The following CDS2 variants were observed in gnomAD, a reference collection of about 807,000 sequenced individuals.
CDS2 encodes the protein phosphatidate cytidylyltransferase 2.
CDS2 carries 47 observed loss-of-function variants against 59.0 expected under a neutral mutation model. The ratio of observed to expected loss-of-function variants is 0.80; its 90% CI spans 0.63 to 1.02. The LOEUF is 1.02. CDS2 is among the 50% of genes least tolerant of loss of function. The pLI, the probability that CDS2 is intolerant of heterozygous loss-of-function variation, is 0.00. For missense variants in CDS2, 356 were observed against 558.9 expected (o/e 0.64, Z 3.66); for synonymous variants, 207 against 206.4 (o/e 1.00, Z -0.02).
At position 5,133,074 on chromosome 20, in the gene CDS2, G is replaced by A. The variant is rs1316895491; in HGVS notation, c.57+5925G>A. On this transcript the variant is annotated intron_variant, in intron 1 of 12. Transcript: ENST00000460006. Reference sequence around the variant, plus strand: ...TAGTCCCAGCTACTCAGGAGGCTGAGGAGAATGGCGTGATGGCGTGAACCC... The same window carrying A: ...TAGTCCCAGCTACTCAGGAGGCTGAAGAGAATGGCGTGATGGCGTGAACCC... Among the ~76,000 whole-genome samples, 4 of 151,942 alleles carry A rather than the reference G, an allele frequency of 2.6e-5. No individual in the cohort carries two copies. In the East Asian group the frequency reaches 7.7e-4, roughly 29 times the overall value.
chr20:5,181,696 T>C (rs545142067), intron 5 of CDS2, among the ~76,000 whole-genome samples: 1 of 152,360 alleles, frequency 6.6e-6, no homozygotes, highest in East Asian at 1.9e-4. Context: ...AGTGTACTTA[T>C]GCAGACCTAG....
At position 5,197,562 on chromosome 20, in the gene CDS2, C is replaced by G. The variant is rs1267259918; in HGVS notation, c.*7328C>G. The G allele has an allele frequency of 6.6e-6, 1 of 151,778 alleles. No homozygotes were observed. Among genetic ancestry groups the G allele is most frequent in the Non-Finnish European group, 1.5e-5 (1 of 68,006 alleles). The allele number at this position is 151,778 out of a possible 1,614,324, so 9.4% of individuals were successfully genotyped here. ...GAATTCAGTTGTCTCACCCTGATAG[C>G]CTGGGTGTTGATATTCACTTTACCC... On this transcript the variant is annotated 3_prime_UTR_variant, in exon 13 of 13. Coordinates refer to ENST00000460006, the MANE Select transcript of CDS2 (RefSeq NM_003818.4).
chr20:5,189,063 T>C lies in CDS2; in HGVS notation c.982-4T>C, dbSNP rs541649637. 75 of 1,614,144 alleles carry C rather than the reference T, an allele frequency of 4.6e-5. 1 individual carries two copies. In the South Asian group the frequency reaches 7.6e-4, roughly 16 times the overall value. ...TAAACTTTTACTTCATTTACTCTTC[T>C]CAGAAAACGGTCCGGATGTACCCCT... On this transcript the variant is annotated splice_region_variant and splice_polypyrimidine_tract_variant and intron_variant, in intron 10 of 12. Coordinates refer to ENST00000460006, the MANE Select transcript of CDS2 (RefSeq NM_003818.4).
At chr20:5,138,221 G>C (rs1176703007) in intron 1 of CDS2, among the ~76,000 whole-genome samples, 5 of 151,578 alleles carry the variant, frequency 3.3e-5, no homozygotes, top group African/African-American at 1.2e-4. Context: ...TAAAGTGCTG[G>C]GATTACACAT....
intron 1 of CDS2, among the ~76,000 whole-genome samples, chr20:5,145,212 A>C (rs996752124): frequency 6.9e-6 from 1 of 145,440 alleles, no homozygotes; most frequent in Non-Finnish European, 1.5e-5. Context: ...ACCTCATTTT[A>C]GGGCGAATGG....
At chr20:5,154,100 G>T (rs1432170360) in intron 1 of CDS2, among the ~76,000 whole-genome samples, 1 of 152,058 alleles carries the variant, frequency 6.6e-6, no homozygotes, top group East Asian at 1.9e-4. Flanking sequence ...TCTCCCTTAG[G>T]CTCCAGAATA....
intron 1 of CDS2, among the ~76,000 whole-genome samples, chr20:5,150,951 G>A (rs1238103428): frequency 1.3e-5 from 2 of 152,196 alleles, no homozygotes; most frequent in Non-Finnish European, 2.9e-5. Flanking sequence ...GATCACATGC[G>A]GAGCCACCTT....
chr20:5,133,352 A>G (rs961604055), intron 1 of CDS2, among the ~76,000 whole-genome samples: 1 of 151,990 alleles, frequency 6.6e-6, no homozygotes, highest in African/African-American at 2.4e-5. Flanking sequence ...CCTGAGCTCA[A>G]GCCATCCTCC....
At chr20:5,177,853 T>C (rs1278259886) in intron 4 of CDS2, among the ~76,000 whole-genome samples, 1 of 152,232 alleles carries the variant, frequency 6.6e-6, no homozygotes, top group African/African-American at 2.4e-5. Context: ...CTTTTGTGGC[T>C]GTTCTTTAGC....
chr20:5,186,992 G>A, intron 10 of CDS2, 153 bp downstream of exon 10: 2 of 739,316 alleles, frequency 2.7e-6, no homozygotes, highest in South Asian at 3.4e-5. Flanking sequence ...GCCAGGTCAG[G>A]GTATGGGCAG....
At position 5,189,056 on chromosome 20, in the gene CDS2, A is replaced by C. The variant is rs536927701; in HGVS notation, c.982-11A>C. 1.8e-5 allele frequency: 29 copies of C among 1,613,932 alleles called. No homozygotes were observed. The African/African-American group carries it at 2.5e-4, about 14-fold the overall frequency. Reference sequence around the variant, plus strand: ...ATGCACCTAAACTTTTACTTCATTTACTCTTCTCAGAAAACGGTCCGGATG... The same window carrying C: ...ATGCACCTAAACTTTTACTTCATTTCCTCTTCTCAGAAAACGGTCCGGATG... On this transcript the variant is annotated splice_polypyrimidine_tract_variant and intron_variant, in intron 10 of 12. Coordinates refer to ENST00000460006, the MANE Select transcript of CDS2 (RefSeq NM_003818.4).
chr20:5,141,284 T>G (rs2090691374), intron 1 of CDS2, among the ~76,000 whole-genome samples: 1 of 152,244 alleles, frequency 6.6e-6, no homozygotes, highest in Non-Finnish European at 1.5e-5. Context: ...CCCCACTTAG[T>G]CTATTAGTAT....
rs2122928026 is a variant in CDS2, at chr20:5,127,097, C to T, written c.5C>T (p.Thr2Ile). Residue 2 changes from threonine (T) to isoleucine (I), a missense_variant, in exon 1 of 13, where the codon ACA (threonine) becomes ATA (isoleucine). Thr to Ile is a moderately conservative substitution (Grantham distance 89). This residue lies in a region of CDS2 where 107 missense variants were observed against 129.7 expected (regional missense o/e 0.82). Coordinates refer to ENST00000460006, the MANE Select transcript of CDS2 (RefSeq NM_003818.4). The part of the protein sequence containing the change: M[T>I]ELRQRVAHEP... ...CGTCGGGCCGATTTTCCCAGGATGA[C>T]AGAGCTGAGGCAGAGGGTGGCCCAT... 3.3e-6 allele frequency: 5 copies of T among 1,498,924 alleles called. No homozygotes were observed. The highest frequency in any genetic ancestry group is 3.6e-6 in the Non-Finnish European group (4 of 1,123,576). 92.9% of individuals were successfully genotyped at this position (1,498,924 alleles called of 1,614,324 possible).
At chr20:5,141,535 A>T (rs2090693839) in intron 1 of CDS2, among the ~76,000 whole-genome samples, 1 of 151,836 alleles carries the variant, frequency 6.6e-6, no homozygotes, top group South Asian at 2.1e-4. Context: ...ACTCTTCCAG[A>T]CCTCTCCCTA....
chr20:5,136,858 C>T (rs375378739), intron 1 of CDS2, among the ~76,000 whole-genome samples: 1 of 152,054 alleles, frequency 6.6e-6, no homozygotes, highest in Non-Finnish European at 1.5e-5. Context: ...TTGCACATTG[C>T]TGAGGTTTGG....
chr20:5,157,667 C>G (rs2090843857), intron 1 of CDS2, among the ~76,000 whole-genome samples: 1 of 152,180 alleles, frequency 6.6e-6, no homozygotes, highest in Admixed American at 6.5e-5. Context: ...TCTGGTTCAT[C>G]CAGGGCTTCT....
intron 11 of CDS2, 71 bp downstream of exon 11, chr20:5,189,257 G>A (rs1053925310): frequency 8.9e-6 from 14 of 1,579,868 alleles, no homozygotes; most frequent in Non-Finnish European, 1.2e-5. Context: ...CCCCTTCCCT[G>A]CCCCCTCCAA....
intron 1 of CDS2, among the ~76,000 whole-genome samples, chr20:5,133,849 T>G (rs907427885): frequency 6.6e-6 from 1 of 152,104 alleles, no homozygotes; most frequent in Non-Finnish European, 1.5e-5. Flanking sequence ...AATTCCCGGT[T>G]GTTGTTTTTT....
intron 1 of CDS2, among the ~76,000 whole-genome samples, chr20:5,164,212 T>G (rs2090897270): frequency 1.3e-5 from 2 of 152,204 alleles, no homozygotes; most frequent in Non-Finnish European, 2.9e-5. Flanking sequence ...TGATTGGTAC[T>G]TGATTCCATG....
Sources: gnomAD v4.1 joint callset for allele counts (sites outside exome capture counted in the v4.1 genomes callset) on GRCh38, gnomAD v4.1.1 for gene constraint, gnomAD v4.1.1 regional missense constraint, MANE v1.5 for transcripts, NCBI Gene and HGNC (gene_info 2026-07-23, HGNC 2026-07-21) for gene names.